The following NBPF11 variants were observed in gnomAD, a reference collection of about 807,000 sequenced individuals.
NBPF11 encodes the protein NBPF family member NBPF11.
In NBPF11, 72 loss-of-function variants were observed where a neutral mutation model predicts 93.9. The ratio of observed to expected loss-of-function variants is 0.77; its 90% CI spans 0.63 to 0.93. The LOEUF (loss-of-function observed/expected upper bound fraction) is 0.93. NBPF11 is among the 40% of genes least tolerant of loss of function. NBPF11 has a pLI of 0.00. For missense variants in NBPF11, 705 were observed against 802.2 expected (o/e 0.88, Z 1.46); for synonymous variants, 224 against 304.9 (o/e 0.73, Z 2.76).
intron 5 of NBPF11, among the ~76,000 whole-genome samples, chr1:148,126,290 T>C (rs1456267589): frequency 6.6e-6 from 1 of 151,964 alleles, no homozygotes; most frequent in African/African-American, 2.4e-5. Context: ...TGAGCCACGT[T>C]GCACGGCCCC....
At chr1:148,149,387 G>A (rs1468443943) in intron 1 of NBPF11, 30 of 1,590,696 alleles carry the variant, frequency 1.9e-5, no homozygotes, top group African/African-American at 2.7e-5. Flanking sequence ...CATCATCCAC[G>A]GCAGGGAGGA....
chr1:148,121,911 T>C, intron 9 of NBPF11, 144 bp downstream of exon 9: 1 of 749,034 alleles, frequency 1.3e-6, no homozygotes, highest in South Asian at 1.6e-5. Context: ...CAAAGTGCTG[T>C]GATTATATGT....
intron 10 of NBPF11, 152 bp from the exon 11 acceptor site, chr1:148,118,874 C>G: frequency 1.4e-6 from 1 of 716,104 alleles, no homozygotes. Context: ...ACTCTTCAGT[C>G]TCCTGACTTT....
At chr1:148,138,021 A>T (rs1192103667) in intron 2 of NBPF11, among the ~76,000 whole-genome samples, 1 of 151,312 alleles carries the variant, frequency 6.6e-6, no homozygotes, top group Non-Finnish European at 1.5e-5. Context: ...ATTGATCATT[A>T]TTGGGCGTTT....
intron 23 of NBPF11, 71 bp from the exon 24 acceptor site, chr1:148,103,983 G>A: frequency 3.1e-6 from 5 of 1,609,340 alleles, no homozygotes; most frequent in Non-Finnish European, 4.2e-6. Context: ...CTAGATTTCA[G>A]AAGTAACATA....
chr1:148,123,715 A>G (rs1668431815), intron 7 of NBPF11, 138 bp downstream of exon 7: 4 of 1,555,176 alleles, frequency 2.6e-6, no homozygotes, highest in Non-Finnish European at 3.5e-6. Flanking sequence ...CTTACTCAGG[A>G]AGTCCTGATC....
chr1:148,116,818 A>T (rs1168654854), intron 12 of NBPF11, among the ~76,000 whole-genome samples: 2 of 151,666 alleles, frequency 1.3e-5, no homozygotes, highest in Admixed American at 6.6e-5. Flanking sequence ...GGACTTTGGC[A>T]GCTGTCTCCC....
intron 7 of NBPF11, among the ~76,000 whole-genome samples, chr1:148,123,233 A>G (rs1668307079): frequency 6.6e-6 from 1 of 152,068 alleles, no homozygotes; most frequent in African/African-American, 2.4e-5. Flanking sequence ...CAGGCCCTCC[A>G]TGTGGCTTCT....
chr1:148,120,517 C>T lies in NBPF11; in HGVS notation c.972G>A (p.Lys324=). ...FVTQVACFLA[K]QQNKYKYEEC... is the part of the protein sequence containing the mutation. ...AGATCTTACTGTATTTGTTCTGCTG[C>T]TTGGCCAGGAAGCAGGCCACTTGAG... The change falls in exon 10 of 24, where the codon AAG becomes AAA. Residue 324 remains lysine (K), a synonymous_variant. Coordinates refer to ENST00000682118, the MANE Select transcript of NBPF11 (RefSeq NM_001385469.3). 1.1e-6 allele frequency: 1 copy of T among 917,032 alleles called. No individual in the cohort carries two copies. Among genetic ancestry groups the T allele is most frequent in the Admixed American group, 1.7e-5 (1 of 59,208 alleles). 56.8% of individuals were successfully genotyped at this position (917,032 alleles called of 1,614,324 possible). A position where few individuals can be genotyped will look rare whatever the true frequency, so the allele number is the denominator to read the frequency against.
chr1:148,109,385 C>G, intron 16 of NBPF11, 50 bp from the exon 17 acceptor site: 2 of 904,804 alleles, frequency 2.2e-6, no homozygotes, highest in Non-Finnish European at 3.7e-6. Context: ...TTCTTCCTTG[C>G]ACACAGAAAC....
rs1647891346 is a variant in NBPF11, at chr1:148,150,043, T to C, written c.-549+1707A>G. Among the ~76,000 whole-genome samples, 8 of 151,910 alleles carry C rather than the reference T, an allele frequency of 5.3e-5. No individual in the cohort carries two copies. The South Asian group carries it at 1.5e-3, about 28-fold the overall frequency. ...CATATGTAATACTAAAGTTTTATCA[T>C]TCATATAGCTCTAAAACCAACAATG... On this transcript the variant is annotated intron_variant, in intron 1 of 23. Transcript: ENST00000682118.
In NBPF11 at chr1:148,131,217, G is replaced by C. The variant is rs1314279810; in HGVS notation, c.-35-4179C>G. 3.8e-3 allele frequency among the ~76,000 whole-genome samples: 550 copies of C among 145,938 alleles called. 5 individuals are homozygous for C. Among genetic ancestry groups the C allele is most frequent in the African/African-American group, 0.013 (524 of 39,372 alleles). ...ATACAAAGGCTGGAATGTAACAAAA[G>C]CCCACCAAGAGTTTTGCCTAGGTTT... On this transcript the variant is annotated intron_variant, in intron 4 of 23. Transcript: ENST00000682118.
intron 21 of NBPF11, among the ~76,000 whole-genome samples, chr1:148,105,948 G>A (rs1663498173): frequency 6.9e-6 from 1 of 144,614 alleles, no homozygotes; most frequent in African/African-American, 2.7e-5. Flanking sequence ...CAGTCACCAT[G>A]AGAATACAGT....
chr1:148,122,262 C>A lies in NBPF11; in HGVS notation c.571G>T (p.Val191Leu), dbSNP rs11239917. 3.7e-3 allele frequency: 5,896 copies of A among 1,610,170 alleles called. 21 individuals are homozygous for A. The highest frequency in any genetic ancestry group is 4.6e-3 in the Non-Finnish European group (5,397 of 1,178,496). The change falls in exon 9 of 24, where the codon GTG becomes TTG. Residue 191 changes from valine (V) to leucine (L), a missense_variant. By Grantham distance (32) the Val-to-Leu change is conservative. Coordinates refer to ENST00000682118, the MANE Select transcript of NBPF11 (RefSeq NM_001385469.3). The part of the protein sequence containing the change: ...KVLESSAPRE[V>L]QKAEESKVPE... ...ACTTTGCTCTCTTCAGCCTTCTGCA[C>A]CTCCCTGATGAGCCAGGTGGGACAG... is the stretch of plus-strand genomic sequence containing the variant.
chr1:148,103,853 C>A lies in NBPF11; in HGVS notation c.*43G>T, dbSNP rs1662864235. 8 of 1,611,380 alleles carry A rather than the reference C, an allele frequency of 5.0e-6. No homozygotes were observed. The highest frequency in any genetic ancestry group is 3.4e-6 in the Non-Finnish European group (4 of 1,179,384). On this transcript the variant is annotated 3_prime_UTR_variant, in exon 24 of 24. Transcript: ENST00000682118. ...GTACATTGATGGAGTCGAATAATAT[C>A]TATCCAGTGAGTCCTGTAAGACTTC...
Position 148,106,096 on chromosome 1 carries a change from G to A in NBPF11, c.2303+85C>T, listed in dbSNP as rs1306287565. 1.7e-5 allele frequency: 10 copies of A among 582,542 alleles called. 1 individual carries two copies. Among genetic ancestry groups the A allele is most frequent in the African/African-American group, 6.0e-5 (3 of 50,042 alleles). The allele number at this position is 582,542 out of a possible 1,614,324, so 36.1% of individuals were successfully genotyped here. A position where few individuals can be genotyped will look rare whatever the true frequency, so the allele number is the denominator to read the frequency against. The stretch of plus-strand genomic sequence containing the variant: ...CAGGCTTGGTTGAAAAGATGTAATC[G>A]ATAATGTCAGCCCGCTCTGTTTTCC... On this transcript the variant is annotated intron_variant, in intron 21 of 23. Transcript: ENST00000682118.
chr1:148,121,083 C>A (rs1344153367), intron 9 of NBPF11, among the ~76,000 whole-genome samples: 1 of 151,724 alleles, frequency 6.6e-6, no homozygotes, highest in African/African-American at 2.4e-5. Flanking sequence ...CTCACTCTGT[C>A]GCGCAGGCTG....
chr1:148,109,096 T>C (rs1369626564), intron 17 of NBPF11, among the ~76,000 whole-genome samples, 188 bp downstream of exon 17: 1 of 151,406 alleles, frequency 6.6e-6, no homozygotes, highest in Non-Finnish European at 1.5e-5. Context: ...GGTTAGTAAA[T>C]GATAAGGGTA....
rs1458639184 is a variant in NBPF11 at position 148,102,293 on chromosome 1, G to C, written c.*1603C>G. 3.3e-5 allele frequency: 5 copies of C among 151,950 alleles called. No homozygotes were observed. The highest frequency in any genetic ancestry group is 1.9e-4 in the East Asian group (1 of 5,194). 9.4% of individuals were successfully genotyped at this position (151,950 alleles called of 1,614,324 possible). A position where few individuals can be genotyped will look rare whatever the true frequency, so the allele number is the denominator to read the frequency against. ...CAGTAAAAATTGAGACCCAAAATTTGCAGCGTAGAGATATGAATATAATAA... is the reference window on the plus strand; with the variant it reads ...CAGTAAAAATTGAGACCCAAAATTTCCAGCGTAGAGATATGAATATAATAA... On this transcript the variant is annotated 3_prime_UTR_variant, in exon 24 of 24. Coordinates refer to ENST00000682118, the MANE Select transcript of NBPF11 (RefSeq NM_001385469.3).
Sources: gnomAD v4.1 joint callset for allele counts (sites outside exome capture counted in the v4.1 genomes callset) on GRCh38, gnomAD v4.1.1 for gene constraint, MANE v1.5 for transcripts, NCBI Gene and HGNC (gene_info 2026-07-23, HGNC 2026-07-21) for gene names.